The following PCK2 variants were observed in gnomAD, a reference collection of about 807,000 sequenced individuals.
PCK2 encodes phosphoenolpyruvate carboxykinase [GTP], mitochondrial.
A neutral mutation model predicts 65.9 loss-of-function variants in PCK2; 56 were observed. The ratio of observed to expected loss-of-function variants is 0.85; its 90% CI spans 0.69 to 1.06. The LOEUF is 1.06. PCK2 is among the 50% of genes least tolerant of loss of function. The pLI, the probability that PCK2 is intolerant of heterozygous loss-of-function variation, is 0.00. For synonymous variants in PCK2, 305 were observed against 319.6 expected (o/e 0.95, Z 0.49); for missense variants, 843 against 863.1 (o/e 0.98, Z 0.29).
Position 24,103,215 on chromosome 14 carries a change from C to T in PCK2, c.1428C>T (p.Ser476=), listed in dbSNP as rs1049854. The change falls in exon 9 of 10, where the codon AGC becomes AGT. Residue 476 remains serine (S), a synonymous_variant. Coordinates refer to ENST00000216780, the MANE Select transcript of PCK2 (RefSeq NM_004563.4). ...FNWRHGVFVG[S]AMRSESTAAA... is the part of the protein sequence containing the mutation. The stretch of plus-strand genomic sequence containing the variant: ...GGCGTCATGGGGTGTTTGTGGGCAG[C>T]GCCATGCGCTCTGAGTCCACTGCTG... 37 of 1,613,920 alleles carry T rather than the reference C, an allele frequency of 2.3e-5. No homozygotes were observed. The highest frequency in any genetic ancestry group is 6.7e-5 in the African/African-American group (5 of 74,928).
At chr14:24,101,334 G>A (rs183331299) in intron 7 of PCK2, among the ~76,000 whole-genome samples, 1 of 152,336 alleles carries the variant, frequency 6.6e-6, no homozygotes, top group Admixed American at 6.5e-5. Flanking sequence ...GCAGAAGCTG[G>A]CGGATGGGAG....
At chr14:24,099,285 TG>T in intron 5 of PCK2, 49 bp downstream of exon 5, 1 of 1,531,780 alleles carries the variant, frequency 6.5e-7, no homozygotes, top group East Asian at 2.3e-5. Flanking sequence ...AGGGCAGGGG[TG>T]GGGCCTGGCC....
At chr14:24,101,131 C>A (rs1253108387) in intron 7 of PCK2, among the ~76,000 whole-genome samples, 1 of 152,190 alleles carries the variant, frequency 6.6e-6, no homozygotes, top group Non-Finnish European at 1.5e-5. Context: ...CCCCCTCAGC[C>A]TTCCCACCCA....
At chr14:24,098,903 G>T in intron 4 of PCK2, 146 bp from the exon 5 acceptor site, 1 of 740,258 alleles carries the variant, frequency 1.4e-6, no homozygotes, top group East Asian at 2.5e-5. Flanking sequence ...GGAAGCTGAT[G>T]GTTATTATGA....
chr14:24,099,108 G>T lies in PCK2; in HGVS notation c.724G>T (p.Asp242Tyr), dbSNP rs200007127. 6.2e-7 allele frequency: 1 copy of T among 1,612,234 alleles called. No individual in the cohort carries two copies. The highest frequency in any genetic ancestry group is 1.1e-5 in the South Asian group (1 of 91,050). The change falls in exon 5 of 10, where the codon GAC becomes TAC. Residue 242 changes from aspartate (D) to tyrosine (Y), a missense_variant. Transcript: ENST00000216780. Reference protein sequence around the residue: ...PEKTLIGHVPDQREIISFGSG... With the variant: ...PEKTLIGHVPYQREIISFGSG... ...GAAAACCCTGATTGGCCACGTGCCCGACCAGCGGGAGATCATCTCCTTCGG... is the reference window on the plus strand; with the variant it reads ...GAAAACCCTGATTGGCCACGTGCCCTACCAGCGGGAGATCATCTCCTTCGG...
chr14:24,098,317 G>C lies in PCK2; in HGVS notation c.390G>C (p.Gln130His), dbSNP rs2036989958. Reference protein sequence around the residue: ...VPLPPGGARGQLGNWMSPADF... With the variant: ...VPLPPGGARGHLGNWMSPADF... ...TCCCGCCTGGTGGGGCCCGTGGGCAGCTGGGCAACTGGATGTCCCCAGCTG... is the reference window on the plus strand; with the variant it reads ...TCCCGCCTGGTGGGGCCCGTGGGCACCTGGGCAACTGGATGTCCCCAGCTG... The change falls in exon 3 of 10, where the codon CAG becomes CAC. Residue 130 changes from glutamine (Q) to histidine (H), a missense_variant. Physicochemically the swap from Gln to His is conservative, Grantham distance 24. Transcript: ENST00000216780. 4.3e-6 allele frequency: 7 copies of C among 1,614,014 alleles called. No homozygotes were observed. Among genetic ancestry groups the C allele is most frequent in the Non-Finnish European group, 5.9e-6 (7 of 1,179,994 alleles).
At chr14:24,099,410 C>T in intron 5 of PCK2, 148 bp from the exon 6 acceptor site, 2 of 994,764 alleles carry the variant, frequency 2.0e-6, no homozygotes, top group Non-Finnish European at 1.5e-6. Flanking sequence ...TTTCCCCTGC[C>T]ACTAACCCAG....
Position 24,102,896 on chromosome 14 carries a change from CAA to C in PCK2, c.1372+7_1372+8del, listed in dbSNP as rs774165729. The C allele has an allele frequency of 6.2e-7, 1 of 1,612,474 alleles. No homozygotes were observed. Among genetic ancestry groups the C allele is most frequent in the South Asian group, 1.1e-5 (1 of 90,938 alleles). ...TGGTGGCCGCAGACCCAAAGGTAAA[CAA>C]CATATGAGCTCCATGTTCTTGGCAA... On this transcript the variant is annotated splice_region_variant and intron_variant, in intron 8 of 9. Transcript: ENST00000216780.
rs767241329 is a variant in PCK2 at position 24,103,932 on chromosome 14, G to A, written c.1891G>A (p.Glu631Lys). Residue 631 changes from glutamate (E) to lysine (K), a missense_variant, in exon 10 of 10, where the codon GAG (glutamate) becomes AAG (lysine). By Grantham distance (56) the Glu-to-Lys change is moderately conservative. Transcript: ENST00000216780. ...GCCCAAAGAGGTGTTGGCTGAGCTT[G>A]AGGCCCTGGAGAGACGTGTGCACAA... ...DLPKEVLAEL[E>K]ALERRVHKM 1 of 1,614,034 alleles carries A rather than the reference G, an allele frequency of 6.2e-7. No homozygotes were observed. The highest frequency in any genetic ancestry group is 8.5e-7 in the Non-Finnish European group (1 of 1,180,008).
At chr14:24,102,405 T>TG (rs1468935004) in intron 7 of PCK2, among the ~76,000 whole-genome samples, 1 of 152,200 alleles carries the variant, frequency 6.6e-6, no homozygotes, top group Non-Finnish European at 1.5e-5. Context: ...AAATAGTTTC[T>TG]GGGGGAAAAA....
Position 24,103,947 on chromosome 14 carries a change from C to T in PCK2, c.1906C>T (p.Arg636Cys), listed in dbSNP as rs201279659. 189 of 1,613,396 alleles carry T rather than the reference C, an allele frequency of 1.2e-4. No homozygotes were observed. The highest frequency in any genetic ancestry group is 8.7e-4 in the East Asian group (39 of 44,892). The change falls in exon 10 of 10, where the codon CGT becomes TGT. Residue 636 changes from arginine (R) to cysteine (C), a missense_variant. By Grantham distance (180) the Arg-to-Cys change is radical. Coordinates refer to ENST00000216780, the MANE Select transcript of PCK2 (RefSeq NM_004563.4). ...GGCTGAGCTTGAGGCCCTGGAGAGA[C>T]GTGTGCACAAAATGTGACCTGAGGC... ...VLAELEALERRVHKM is the reference protein window; with the variant it reads ...VLAELEALERCVHKM
In PCK2 at chr14:24,103,981, A is replaced by G; in HGVS notation, c.*17A>G. ...AAAATGTGACCTGAGGCCCTAGTCT[A>G]GCAAGAGGACATAGCACCCTCATCT... On this transcript the variant is annotated 3_prime_UTR_variant, in exon 10 of 10. Coordinates refer to ENST00000216780, the MANE Select transcript of PCK2 (RefSeq NM_004563.4). 1 of 1,595,562 alleles carries G rather than the reference A, an allele frequency of 6.3e-7. No homozygotes were observed. The highest frequency in any genetic ancestry group is 8.6e-7 in the Non-Finnish European group (1 of 1,163,540).
chr14:24,103,343 C>A, intron 9 of PCK2, 88 bp downstream of exon 9: 2 of 1,213,364 alleles, frequency 1.6e-6, no homozygotes, highest in Non-Finnish European at 2.4e-6. Context: ...CTTTTGTCCA[C>A]CCCTGGAGTC....
At chr14:24,098,762 CT>C in intron 4 of PCK2, 84 bp downstream of exon 4, 1 of 1,186,928 alleles carries the variant, frequency 8.4e-7, no homozygotes, top group Non-Finnish European at 1.2e-6. Context: ...TCCACAGACC[CT>C]AAGAACCTGT....
At chr14:24,095,801 G>A (rs1428337251) in intron 1 of PCK2, among the ~76,000 whole-genome samples, 4 of 152,168 alleles carry the variant, frequency 2.6e-5, no homozygotes, top group Non-Finnish European at 5.9e-5. Flanking sequence ...CAGACAACAG[G>A]ACGCTGACCT....
chr14:24,098,602 A>G lies in PCK2; in HGVS notation c.588A>G (p.Thr196=). The change falls in exon 4 of 10, where the codon ACA becomes ACG. Residue 196 remains threonine, a synonymous_variant. Transcript: ENST00000216780. The part of the protein sequence containing the change: ...ASMRIMTRLG[T]PVLQALGDGD... ...TGCGTATTATGACCCGACTGGGGACACCTGTGCTTCAGGCCCTGGGAGATG... is the reference window on the plus strand; with the variant it reads ...TGCGTATTATGACCCGACTGGGGACGCCTGTGCTTCAGGCCCTGGGAGATG... 1 of 1,614,052 alleles carries G rather than the reference A, an allele frequency of 6.2e-7. No homozygotes were observed. The highest frequency in any genetic ancestry group is 8.5e-7 in the Non-Finnish European group (1 of 1,180,016).
chr14:24,096,647 C>T (rs1477054101), intron 1 of PCK2, among the ~76,000 whole-genome samples: 1 of 152,140 alleles, frequency 6.6e-6, no homozygotes, highest in East Asian at 1.9e-4. Flanking sequence ...AGGCATGTGC[C>T]TTTTTTGCTC....
Position 24,097,002 on chromosome 14 carries a change from T to C in PCK2, c.140T>C (p.Phe47Ser). 1 of 1,613,788 alleles carries C rather than the reference T, an allele frequency of 6.2e-7. No individual in the cohort carries two copies. The highest frequency in any genetic ancestry group is 2.2e-5 in the East Asian group (1 of 44,868). Residue 47 changes from phenylalanine (F) to serine (S), a missense_variant, in exon 2 of 10, where the codon TTT becomes TCT. Transcript: ENST00000216780. Reference sequence around the variant, plus strand: ...CAGCTTCCCACTGGCATTCGAGATTTTGTAGAGCACAGTGCCCGCCTGTGC... The same window carrying C: ...CAGCTTCCCACTGGCATTCGAGATTCTGTAGAGCACAGTGCCCGCCTGTGC... ...LGQLPTGIRD[F>S]VEHSARLCQP...
At chr14:24,095,165 G>C in intron 1 of PCK2, 1 of 456,096 alleles carries the variant, frequency 2.2e-6, no homozygotes, top group Non-Finnish European at 4.4e-6. Context: ...AGTCGGAAGT[G>C]ACCCACATCT....
Sources: allele counts gnomAD v4.1 joint callset (sites outside exome capture counted in the v4.1 genomes callset), GRCh38; gene constraint gnomAD v4.1.1; transcripts MANE v1.5; gene names NCBI Gene and HGNC (gene_info 2026-07-23, HGNC 2026-07-21).